The following PYGL variants were observed in gnomAD, a reference collection of about 807,000 sequenced individuals.
PYGL encodes the protein glycogen phosphorylase, liver form.
In PYGL, 90 loss-of-function variants were observed where a neutral mutation model predicts 100.1. The observed-to-expected ratio is 0.90, with a 90% CI of 0.76 to 1.07. The LOEUF (loss-of-function observed/expected upper bound fraction) is 1.07. Among genes scored for constraint, PYGL ranks in the 50% least tolerant of loss-of-function variants. PYGL has a pLI of 0.00. For missense variants in PYGL, 1,016 were observed against 1,057.6 expected, an observed-to-expected ratio of 0.96 and a Z score of 0.55; for synonymous variants, 373 against 393.0, an observed-to-expected ratio of 0.95 and a Z score of 0.60.
chr14:50,915,918 CGGGAGCACTGTGTGGTTGGTGTA>C lies in PYGL; in HGVS notation c.1123_1145del (p.Tyr375GlyfsTer24). On this transcript the variant is annotated frameshift_variant, in exon 10 of 20. Transcript: ENST00000216392. LOFTEE classifies it high-confidence loss of function. ...CCACGGGCCAGCGCTCCAGGGCTTC[CGGGAGCACTGTGTGGTTGGTGTA>C]GGCGAAGGTCTTCTGGGTGAGCTCC... The C allele has an allele frequency of 6.2e-7, 1 of 1,614,246 alleles. No homozygotes were observed.
chr14:50,905,446 A>T lies in PYGL; in HGVS notation c.2490T>A (p.Pro830=), dbSNP rs1167613668. Residue 830 remains proline (P), a synonymous_variant, in exon 20 of 20, where the codon CCT becomes CCA. Coordinates refer to ENST00000216392, the MANE Select transcript of PYGL (RefSeq NM_002863.5). Reference sequence around the variant, plus strand: ...TGGATAGAGAAATCTTTAGATCTGAAGGTTCCACGTTCCAGATGTTTTGGG... The same window carrying T: ...TGGATAGAGAAATCTTTAGATCTGATGGTTCCACGTTCCAGATGTTTTGGG... The part of the protein sequence containing the change: ...EYAQNIWNVE[P]SDLKISLSNE... 6.2e-6 allele frequency: 10 copies of T among 1,613,740 alleles called. No individual in the cohort carries two copies. The highest frequency in any genetic ancestry group is 6.8e-6 in the Non-Finnish European group (8 of 1,179,750).
chr14:50,917,212 T>C, intron 7 of PYGL, 107 bp from the exon 8 acceptor site: 1 of 1,268,628 alleles, frequency 7.9e-7, no homozygotes, highest in Non-Finnish European at 1.1e-6. Context: ...CCATTGGACA[T>C]CTGCTGAGGG....
In PYGL at chr14:50,942,316, C is replaced by G. The variant is rs958794471; in HGVS notation, c.243+1845G>C. 1.4e-5 allele frequency among the ~76,000 whole-genome samples: 2 copies of G among 139,842 alleles called. 1 individual carries two copies. Among genetic ancestry groups the G allele is most frequent in the Non-Finnish European group, 3.2e-5 (2 of 63,470 alleles). 91.7% of individuals were successfully genotyped at this position (139,842 alleles called of 152,430 possible). ...CCAGTGAAGAAACTGGCCGGAGAAC[C>G]AGGAAAACCATAAAGCACTGCATAA... On this transcript the variant is annotated intron_variant, in intron 1 of 19. Coordinates refer to ENST00000216392, the MANE Select transcript of PYGL (RefSeq NM_002863.5).
At chr14:50,912,673 G>C (rs1308572181) in intron 13 of PYGL, among the ~76,000 whole-genome samples, 6 of 152,152 alleles carry the variant, frequency 3.9e-5, no homozygotes, top group African/African-American at 9.7e-5. Flanking sequence ...TACAGGATAG[G>C]CCGGGTGTGG....
At chr14:50,927,967 G>T (rs917311074) in intron 4 of PYGL, among the ~76,000 whole-genome samples, 1 of 152,158 alleles carries the variant, frequency 6.6e-6, no homozygotes, top group Admixed American at 6.5e-5. Flanking sequence ...TCATATGAAG[G>T]GGTAGGGGTG....
chr14:50,938,438 C>T (rs2050675156), intron 1 of PYGL, among the ~76,000 whole-genome samples: 1 of 152,190 alleles, frequency 6.6e-6, no homozygotes, highest in African/African-American at 2.4e-5. Flanking sequence ...TCTCGAACTC[C>T]TGACCTCAGG....
chr14:50,933,964 G>A (rs188601197), intron 3 of PYGL, among the ~76,000 whole-genome samples: 79 of 152,162 alleles, frequency 5.2e-4, no homozygotes, highest in Non-Finnish European at 8.7e-4. Flanking sequence ...GTACATCTAG[G>A]TCAATTTTGT....
At chr14:50,911,478 C>CA (rs1191228283) in intron 16 of PYGL, among the ~76,000 whole-genome samples, 1 of 152,212 alleles carries the variant, frequency 6.6e-6, no homozygotes, top group Non-Finnish European at 1.5e-5. Context: ...CTGCCTCCCC[C>CA]AGCACATAGC....
rs1229577282 is a variant in PYGL, at chr14:50,911,177, G to A, written c.1969+553C>T. 2.0e-5 allele frequency among the ~76,000 whole-genome samples: 3 copies of A among 152,258 alleles called. No homozygotes were observed. The East Asian group carries it at 5.8e-4, about 29-fold the overall frequency. On this transcript the variant is annotated intron_variant, in intron 16 of 19. Coordinates refer to ENST00000216392, the MANE Select transcript of PYGL (RefSeq NM_002863.5). Reference sequence around the variant, plus strand: ...CAAATAACCAAAGGTCCCAGTGGAAGAGAAAGGGACACTGGCTTCTTGCCC... The same window carrying A: ...CAAATAACCAAAGGTCCCAGTGGAAAAGAAAGGGACACTGGCTTCTTGCCC...
intron 4 of PYGL, among the ~76,000 whole-genome samples, chr14:50,928,210 CT>C (rs1242592545): frequency 6.6e-6 from 1 of 152,180 alleles, no homozygotes; most frequent in African/African-American, 2.4e-5. Context: ...TGACTGAATT[CT>C]AAGAAATGCT....
At chr14:50,921,619 A>C (rs940623793) in intron 5 of PYGL, 1 of 153,288 alleles carries the variant, frequency 6.5e-6, no homozygotes, top group Non-Finnish European at 1.5e-5. Context: ...TGACCTCGTG[A>C]TCCATCCACC....
intron 19 of PYGL, among the ~76,000 whole-genome samples, chr14:50,906,723 C>A (rs1055970753): frequency 2.0e-5 from 3 of 152,318 alleles, no homozygotes; most frequent in African/African-American, 7.2e-5. Flanking sequence ...ATTCTTGCGG[C>A]CTGTATATGG....
chr14:50,926,999 T>C (rs908775820), intron 4 of PYGL, among the ~76,000 whole-genome samples: 1 of 152,076 alleles, frequency 6.6e-6, no homozygotes, highest in Admixed American at 6.6e-5. Context: ...AGGTATTGTA[T>C]GAAATAGGAA....
Position 50,908,332 on chromosome 14 carries a change from T to C in PYGL, c.2318A>G (p.Lys773Arg), listed in dbSNP as rs747697307. ...ATAGGCTTCGTAGTCTGCAAAGACT[T>C]TAAACCTTTTATTTTGTGAGTGGAA... is the stretch of plus-strand genomic sequence containing the variant. ...INMLFYHDRF[K>R]VFADYEAYVK... The change falls in exon 19 of 20, where the codon AAA becomes AGA. Residue 773 changes from lysine to arginine, a missense_variant. Physicochemically the swap from Lys to Arg is conservative, Grantham distance 26 (BLOSUM62 2). Transcript: ENST00000216392. 17 of 1,594,766 alleles carry C rather than the reference T, an allele frequency of 1.1e-5. No individual in the cohort carries two copies. The South Asian group carries it at 1.7e-4, about 16-fold the overall frequency.
chr14:50,913,000 A>G, intron 13 of PYGL, 29 bp downstream of exon 13: 1 of 1,597,576 alleles, frequency 6.3e-7, no homozygotes. Context: ...GTGAGTGCCC[A>G]GGAGGGGACC....
Position 50,921,032 on chromosome 14 carries a change from G to C in PYGL, c.696C>G (p.Pro232=). 6.2e-7 allele frequency: 1 copy of C among 1,614,192 alleles called. No individual in the cohort carries two copies. The highest frequency in any genetic ancestry group is 8.5e-7 in the Non-Finnish European group (1 of 1,180,028). Residue 232 remains proline (P), a synonymous_variant, in exon 6 of 20, where the codon CCC becomes CCG. Coordinates refer to ENST00000216392, the MANE Select transcript of PYGL (RefSeq NM_002863.5). ...TGTTGACAGTGTTATTCATGTAGCCGGGCACGGGGGTGTCATATGGCAGAG... is the reference window on the plus strand; with the variant it reads ...TGTTGACAGTGTTATTCATGTAGCCCGGCACGGGGGTGTCATATGGCAGAG... The part of the protein sequence containing the change: ...VLALPYDTPV[P]GYMNNTVNTM...
chr14:50,905,555 T>C lies in PYGL; in HGVS notation c.2381A>G (p.Asn794Ser). ...CQDKVSQLYM[N>S]PKAWNTMVLK... ...TACCATTGTGTTCCAGGCCTTTGGA[T>C]TCTGTAAACAACATATGCATATACA... Residue 794 changes from asparagine to serine, a missense_variant and splice_region_variant, in exon 20 of 20, where the codon AAT becomes AGT. By Grantham distance (46) the Asn-to-Ser change is conservative. Coordinates refer to ENST00000216392, the MANE Select transcript of PYGL (RefSeq NM_002863.5). The C allele has an allele frequency of 6.2e-7, 1 of 1,613,996 alleles. No homozygotes were observed. Among genetic ancestry groups the C allele is most frequent in the Non-Finnish European group, 8.5e-7 (1 of 1,179,878 alleles).
At chr14:50,922,830 C>A (rs2050514042) in intron 5 of PYGL, among the ~76,000 whole-genome samples, 1 of 152,234 alleles carries the variant, frequency 6.6e-6, no homozygotes, top group Non-Finnish European at 1.5e-5. Context: ...GCCTTCCCAC[C>A]TCATCCTGCT....
In PYGL at chr14:50,915,466, G is replaced by A. The variant is rs764594065; in HGVS notation, c.1273C>T (p.Arg425Cys). 9.3e-6 allele frequency: 15 copies of A among 1,614,094 alleles called. No individual in the cohort carries two copies. Among genetic ancestry groups the A allele is most frequent in the Non-Finnish European group, 1.2e-5 (14 of 1,180,008 alleles). ...IVALFPKDVD[R>C]LRRMSLIEEE... Reference sequence around the variant, plus strand: ...TCTATCAGAGACATCCTTCTCAGACGGTCCACATCTTTAGGAAACAAGGCC... The same window carrying A: ...TCTATCAGAGACATCCTTCTCAGACAGTCCACATCTTTAGGAAACAAGGCC... The change falls in exon 11 of 20, where the codon CGT (arginine) becomes TGT (cysteine). Residue 425 changes from arginine (R) to cysteine (C), a missense_variant. Physicochemically the swap from Arg to Cys is radical, Grantham distance 180 (BLOSUM62 -3). Transcript: ENST00000216392.
Sources: allele counts gnomAD v4.1 joint callset (sites outside exome capture counted in the v4.1 genomes callset), GRCh38; gene constraint gnomAD v4.1.1; transcripts MANE v1.5; gene names NCBI Gene and HGNC (gene_info 2026-07-23, HGNC 2026-07-21).